Variants in OXR1 observed in about 807,000 individuals in gnomAD.
OXR1 encodes the protein oxidation resistance 1.
OXR1 carries 41 observed loss-of-function variants against 104.6 expected under a neutral mutation model. That is an observed-to-expected ratio of 0.39 (90% CI 0.31 to 0.51). The LOEUF is 0.51. OXR1 is among the 20% of genes least tolerant of loss of function. The pLI is 0.77. For missense variants in OXR1, 955 were observed against 1,031.9 expected (o/e 0.93, Z 1.02); for synonymous variants, 348 against 348.4 (o/e 1.00, Z 0.01).
intron 3 of OXR1, among the ~76,000 whole-genome samples, chr8:106,651,285 A>G (rs1824548960): frequency 6.6e-6 from 1 of 152,190 alleles, no homozygotes; most frequent in African/African-American, 2.4e-5. Flanking sequence ...ATTAGTAATG[A>G]AGCAAATTTG....
chr8:106,449,829 C>T (rs1049067763), intron 2 of OXR1, among the ~76,000 whole-genome samples: 12 of 151,328 alleles, frequency 7.9e-5, no homozygotes, highest in Non-Finnish European at 1.6e-4. Context: ...TTTTTGCTGT[C>T]CCTTGGAGTC....
intron 2 of OXR1, among the ~76,000 whole-genome samples, chr8:106,479,965 G>T (rs1822016604): frequency 6.6e-6 from 1 of 151,956 alleles, no homozygotes; most frequent in Non-Finnish European, 1.5e-5. Flanking sequence ...TGTGAAGTTG[G>T]TTAGTTATGT....
intron 3 of OXR1, among the ~76,000 whole-genome samples, chr8:106,654,408 T>G (rs1220500138): frequency 6.6e-6 from 1 of 152,044 alleles, no homozygotes; most frequent in East Asian, 1.9e-4. Flanking sequence ...TAATTTTTGA[T>G]AAAGATGCAA....
chr8:106,359,439 G>C (rs186924377), intron 1 of OXR1, 37 bp from the exon 2 acceptor site: 14 of 579,164 alleles, frequency 2.4e-5, no homozygotes, highest in Non-Finnish European at 4.0e-5. Context: ...ACATAGACCA[G>C]GTACTAGAGA....
At chr8:106,658,109 G>A (rs1825327376) in intron 3 of OXR1, 1 of 1,247,760 alleles carries the variant, frequency 8.0e-7, no homozygotes, top group East Asian at 3.2e-5. Flanking sequence ...ATTACCTGAG[G>A]GAGCCAGCCC....
At chr8:106,591,449 A>G (rs1303176068) in intron 3 of OXR1, among the ~76,000 whole-genome samples, 1 of 152,030 alleles carries the variant, frequency 6.6e-6, no homozygotes, top group Non-Finnish European at 1.5e-5. Flanking sequence ...TATAATTAAA[A>G]AAAAAAAGAA....
Position 106,692,831 on chromosome 8 carries a change from C to T in OXR1, c.629C>T (p.Thr210Ile). ...ACTTCTGAGGAGGAGGAAGCATTTA[C>T]TGAGAAATTTCTTAAAATTAATTGC... ...SSTSEEEEAFTEKFLKINCKY... is the reference protein window; with the variant it reads ...SSTSEEEEAFIEKFLKINCKY... The change falls in exon 7 of 17, where the codon ACT (threonine) becomes ATT (isoleucine). Residue 210 changes from threonine (T) to isoleucine (I), a missense_variant. By Grantham distance (89) the Thr-to-Ile change is moderately conservative. Coordinates refer to ENST00000517566, the MANE Select transcript of OXR1 (RefSeq NM_001198533.2). 6.2e-7 allele frequency: 1 copy of T among 1,606,058 alleles called. No individual in the cohort carries two copies. Among genetic ancestry groups the T allele is most frequent in the Non-Finnish European group, 8.5e-7 (1 of 1,174,478 alleles).
intron 2 of OXR1, among the ~76,000 whole-genome samples, chr8:106,500,448 C>G (rs576236707): frequency 6.6e-6 from 1 of 152,352 alleles, no homozygotes; most frequent in East Asian, 1.9e-4. Flanking sequence ...CTGGTGCATG[C>G]AGCCCCTGTC....
At chr8:106,281,585 G>A (rs1586467309) in intron 1 of OXR1, among the ~76,000 whole-genome samples, 1 of 152,174 alleles carries the variant, frequency 6.6e-6, no homozygotes, top group African/African-American at 2.4e-5. Context: ...GGTGGAACAC[G>A]AGTCAGGAAT....
At chr8:106,471,326 C>A (rs1821481331) in intron 2 of OXR1, among the ~76,000 whole-genome samples, 2 of 151,482 alleles carry the variant, frequency 1.3e-5, no homozygotes, top group African/African-American at 2.4e-5. Context: ...AAGTGTTTCT[C>A]TATTAATTGC....
At chr8:106,347,153 T>C (rs1375686782) in intron 1 of OXR1, among the ~76,000 whole-genome samples, 1 of 152,386 alleles carries the variant, frequency 6.6e-6, no homozygotes, top group African/African-American at 2.4e-5. Context: ...AATTCTTCTC[T>C]AGGCTCAATG....
chr8:106,393,910 C>T (rs573604871), intron 2 of OXR1, among the ~76,000 whole-genome samples: 2 of 152,064 alleles, frequency 1.3e-5, no homozygotes, highest in African/African-American at 4.8e-5. Flanking sequence ...ACAATTAAAA[C>T]ATTGTTAGCC....
intron 12 of OXR1, among the ~76,000 whole-genome samples, chr8:106,739,111 C>CACACACACACACAT (rs1834680706): frequency 6.8e-6 from 1 of 146,514 alleles, no homozygotes; most frequent in Non-Finnish European, 1.5e-5. Context: ...CACACACACA[C>CACACACACACACAT]ACACACACAG....
At chr8:106,722,041 A>G (rs1397226330) in intron 11 of OXR1, among the ~76,000 whole-genome samples, 1 of 152,212 alleles carries the variant, frequency 6.6e-6, no homozygotes, top group Non-Finnish European at 1.5e-5. Flanking sequence ...ACACCTTATC[A>G]GGAGACTTCC....
intron 2 of OXR1, among the ~76,000 whole-genome samples, chr8:106,462,667 A>G (rs188359502): frequency 2.6e-5 from 4 of 152,284 alleles, no homozygotes; most frequent in African/African-American, 9.6e-5. Context: ...TTACTTATTA[A>G]TAATGTGCAA....
chr8:106,594,077 G>C lies in OXR1; in HGVS notation c.220+74938G>C, dbSNP rs944335874. ...GTGCACCACAGTCTATGATACCATG[G>C]TTTAGAAACCTTGAGGACTTTTGTT... On this transcript the variant is annotated intron_variant, in intron 3 of 16. Coordinates refer to ENST00000517566, the MANE Select transcript of OXR1 (RefSeq NM_001198533.2). Among the ~76,000 whole-genome samples, 33 of 152,186 alleles carry C rather than the reference G, an allele frequency of 2.2e-4. 2 individuals carry two copies. Among genetic ancestry groups the C allele is most frequent in the Admixed American group, 2.1e-3 (32 of 15,282 alleles).
chr8:106,571,717 G>A (rs993447856), intron 3 of OXR1, among the ~76,000 whole-genome samples: 18 of 152,094 alleles, frequency 1.2e-4, no homozygotes, highest in African/African-American at 3.6e-4. Context: ...ACTAGAAGTC[G>A]AATTCATCCT....
At chr8:106,399,051 T>C (rs1817899590) in intron 2 of OXR1, among the ~76,000 whole-genome samples, 1 of 152,184 alleles carries the variant, frequency 6.6e-6, no homozygotes, top group Non-Finnish European at 1.5e-5. Context: ...TTATTTGTAC[T>C]TTCCATAATG....
intron 2 of OXR1, among the ~76,000 whole-genome samples, chr8:106,470,051 G>C (rs549644091): frequency 1.3e-5 from 2 of 151,850 alleles, no homozygotes; most frequent in Admixed American, 1.3e-4. Context: ...AAAGAAGCCA[G>C]AGTGGCTACA....
Sources: gnomAD v4.1 joint callset for allele counts (sites outside exome capture counted in the v4.1 genomes callset) on GRCh38, gnomAD v4.1.1 for gene constraint, MANE v1.5 for transcripts, NCBI Gene and HGNC (gene_info 2026-07-23, HGNC 2026-07-21) for gene names.